Variants in ZNF41 observed in about 807,000 individuals in gnomAD.
The protein encoded by ZNF41 is zinc finger protein 41.
Under a neutral mutation model 9.3 loss-of-function variants are expected in ZNF41, and 6 were observed. That is an observed-to-expected ratio of 0.65 (90% CI 0.35 to 1.28). The LOEUF (loss-of-function observed/expected upper bound fraction) is 1.28, where lower values mean the gene tolerates loss of function less well. ZNF41 is among the 50% of genes most tolerant of loss of function. The pLI is 0.03. For missense variants in ZNF41, 523 were observed against 585.8 expected, an observed-to-expected ratio of 0.89 and a Z score of 1.11; for synonymous variants, 192 against 207.1, an observed-to-expected ratio of 0.93 and a Z score of 0.63.
intron 4 of ZNF41, among the ~76,000 whole-genome samples, chrX:47,451,652 G>T (rs1374215761): frequency 8.9e-6 from 1 of 112,780 alleles, no homozygotes; most frequent in Non-Finnish European, 1.9e-5. Context: ...AAGGCAGGCG[G>T]ATCACCTGAG....
intron 4 of ZNF41, among the ~76,000 whole-genome samples, chrX:47,451,478 G>A (rs1375522771): frequency 8.9e-6 from 1 of 112,170 alleles, no homozygotes; most frequent in Admixed American, 9.5e-5. Flanking sequence ...TGCAGGCTGG[G>A]TGCGGTGGCT....
Position 47,449,156 on chromosome X carries a change from T to C in ZNF41, c.614A>G (p.His205Arg), listed in dbSNP as rs1220242896. 2.5e-6 allele frequency: 3 copies of C among 1,211,831 alleles called. No homozygotes were observed. Among genetic ancestry groups the C allele is most frequent in the East Asian group, 3.0e-5 (1 of 33,837 alleles). Residue 205 changes from histidine (H) to arginine (R), a missense_variant, in exon 5 of 5, where the codon CAT (histidine) becomes CGT (arginine). His to Arg is a conservative substitution (Grantham distance 29). Coordinates refer to ENST00000684689, the MANE Select transcript of ZNF41 (RefSeq NM_001324144.2). Reference protein sequence around the residue: ...ILKHTLNSHNHNRNSATKNLG... With the variant: ...ILKHTLNSHNRNRNSATKNLG... ...GTTCTTTGTTGCACTGTTTCTATTA[T>C]GATTATGTGAGTTTAAAGTATGCTT...
At chrX:47,460,172 G>A (rs1418749502) in intron 2 of ZNF41, among the ~76,000 whole-genome samples, 1 of 111,877 alleles carries the variant, frequency 8.9e-6, no homozygotes, top group African/African-American at 3.2e-5. Context: ...AGGCTAGGCT[G>A]GAAGATCTCT....
At chrX:47,467,162 T>C (rs1371381822) in intron 2 of ZNF41, among the ~76,000 whole-genome samples, 1 of 111,494 alleles carries the variant, frequency 9.0e-6, no homozygotes, top group East Asian at 2.8e-4. Flanking sequence ...CCTTCCACAT[T>C]CTCCCTCTCC....
chrX:47,464,321 T>G (rs1197592955), intron 2 of ZNF41, among the ~76,000 whole-genome samples: 1 of 110,972 alleles, frequency 9.0e-6, no homozygotes, highest in East Asian at 2.8e-4. Context: ...TCATCTCTAG[T>G]AAGTGCACCA....
At position 47,449,476 on chromosome X, in the gene ZNF41, T is replaced by C; in HGVS notation, c.296-2A>G. ...GCTGCATTTTCCCAATAGCCTCACC[T>C]AAAAAGAAAATGAAAGAAATGAAAA... On this transcript the variant is annotated splice_acceptor_variant, in intron 4 of 4. Coordinates refer to ENST00000684689, the MANE Select transcript of ZNF41 (RefSeq NM_001324144.2). LOFTEE classifies it high-confidence loss of function. The C allele has an allele frequency of 8.3e-7, 1 of 1,199,322 alleles. No individual in the cohort carries two copies. The highest frequency in any genetic ancestry group is 1.1e-6 in the Non-Finnish European group (1 of 888,679).
intron 1 of ZNF41, among the ~76,000 whole-genome samples, chrX:47,475,522 A>G (rs1461907562): frequency 3.6e-5 from 4 of 112,017 alleles, no homozygotes; most frequent in African/African-American, 1.3e-4. Flanking sequence ...CCTTAATACC[A>G]ACACTTGTTA....
intron 2 of ZNF41, among the ~76,000 whole-genome samples, chrX:47,461,706 G>C (rs1027343377): frequency 4.6e-5 from 5 of 108,603 alleles, no homozygotes; most frequent in Non-Finnish European, 7.6e-5. Flanking sequence ...ACTGTGCCTG[G>C]CCTCTTTTTT....
chrX:47,475,407 G>C (rs1404877122), intron 1 of ZNF41, among the ~76,000 whole-genome samples: 6 of 111,049 alleles, frequency 5.4e-5, no homozygotes, highest in Non-Finnish European at 1.1e-4. Flanking sequence ...TTTAAAAAAG[G>C]CATCAGTTCT....
At chrX:47,476,686 G>A (rs73494350) in intron 1 of ZNF41, 6,508 of 110,598 alleles carry the variant, frequency 0.059, 232 homozygotes, top group African/African-American at 0.14. Context: ...GTGATAAACT[G>A]GAACCCTCAT....
intron 1 of ZNF41, among the ~76,000 whole-genome samples, chrX:47,478,052 G>C (rs191802329): frequency 6.6e-4 from 74 of 112,356 alleles, no homozygotes; most frequent in Non-Finnish European, 1.2e-3. Flanking sequence ...TAAACTGATA[G>C]AAACAGATAG....
At chrX:47,461,762 C>T (rs1199271190) in intron 2 of ZNF41, among the ~76,000 whole-genome samples, 2 of 112,036 alleles carry the variant, frequency 1.8e-5, no homozygotes, top group Non-Finnish European at 3.8e-5. Context: ...GGCTGGAATG[C>T]AGTGGTGCAA....
rs2057435707 is a variant in ZNF41 at position 47,480,109 on chromosome X, A to G, written c.-280+2986T>C. Among the ~76,000 whole-genome samples, 3 of 111,302 alleles carry G rather than the reference A, an allele frequency of 2.7e-5. No homozygotes were observed. The South Asian group carries it at 1.1e-3, about 42-fold the overall frequency. ...CAAGACTCCATCTCAAAAAAAAAAG[A>G]AGAAGAATAAACGCACAAGAAAATT... On this transcript the variant is annotated intron_variant, in intron 1 of 4. Transcript: ENST00000684689.
rs2056249851 is a variant in ZNF41, at chrX:47,448,991, T to C, written c.779A>G (p.His260Arg). 1.7e-6 allele frequency: 2 copies of C among 1,211,610 alleles called. No homozygotes were observed. Among genetic ancestry groups the C allele is most frequent in the Non-Finnish European group, 1.1e-6 (1 of 895,465 alleles). ...KHLSHKQAPT[H>R]HQKIHPEEKL... ...CTCCTCAGGATGAATTTTCTGATGG[T>C]GGGTGGGAGCTTGTTTGTGGCTGAG... is the stretch of plus-strand genomic sequence containing the variant. The change falls in exon 5 of 5, where the codon CAC (histidine) becomes CGC (arginine). Residue 260 changes from histidine to arginine, a missense_variant. By Grantham distance (29) the His-to-Arg change is conservative. Coordinates refer to ENST00000684689, the MANE Select transcript of ZNF41 (RefSeq NM_001324144.2).
intron 1 of ZNF41, among the ~76,000 whole-genome samples, chrX:47,469,295 A>G (rs2057097194): frequency 1.3e-5 from 1 of 79,167 alleles, no homozygotes; most frequent in African/African-American, 4.6e-5. Context: ...TGGGCGACAG[A>G]GCGAGACTCC....
chrX:47,480,451 A>C (rs2057441889), intron 1 of ZNF41, among the ~76,000 whole-genome samples: 1 of 111,474 alleles, frequency 9.0e-6, no homozygotes, highest in Non-Finnish European at 1.9e-5. Flanking sequence ...AAAAATTGAA[A>C]TAAATATATT....
At chrX:47,476,023 T>C (rs1398019415) in intron 1 of ZNF41, among the ~76,000 whole-genome samples, 1 of 111,072 alleles carries the variant, frequency 9.0e-6, no homozygotes, top group Non-Finnish European at 1.9e-5. Context: ...TAGGAACATA[T>C]GAAAACTATA....
At chrX:47,465,092 C>T (rs2056940303) in intron 2 of ZNF41, among the ~76,000 whole-genome samples, 1 of 111,981 alleles carries the variant, frequency 8.9e-6, no homozygotes, top group Non-Finnish European at 1.9e-5. Context: ...ACTATGTTGC[C>T]CAGGCTGGTC....
chrX:47,463,342 G>A (rs1569290837), intron 2 of ZNF41, among the ~76,000 whole-genome samples: 1 of 110,361 alleles, frequency 9.1e-6, no homozygotes, highest in Non-Finnish European at 1.9e-5. Flanking sequence ...TCCTGGGTAG[G>A]GTGACCAAGT....
Sources: gnomAD v4.1 joint callset for allele counts (sites outside exome capture counted in the v4.1 genomes callset) on GRCh38, gnomAD v4.1.1 for gene constraint, MANE v1.5 for transcripts, NCBI Gene and HGNC (gene_info 2026-07-23, HGNC 2026-07-21) for gene names.